The following SQOR variants were observed in gnomAD, a reference collection of about 807,000 sequenced individuals.
The protein encoded by SQOR is sulfide quinone oxidoreductase, also known as sulfide:quinone oxidoreductase, mitochondrial.
A neutral mutation model predicts 48.6 loss-of-function variants in SQOR; 39 were observed. The observed-to-expected ratio is 0.80, with a 90% CI of 0.62 to 1.05. The LOEUF is 1.05. Ranked by LOEUF, SQOR falls within the 50% of genes least tolerant of loss-of-function variation. The pLI, the probability that SQOR is intolerant of heterozygous loss-of-function variation, is 0.00. For missense variants in SQOR, 561 were observed against 559.9 expected (o/e 1.00, Z -0.02); for synonymous variants, 220 against 206.2 (o/e 1.07, Z -0.57).
At chr15:45,658,795 G>A in intron 1 of SQOR, 112 bp from the exon 2 acceptor site, 2 of 822,016 alleles carry the variant, frequency 2.4e-6, no homozygotes, top group Non-Finnish European at 3.6e-6. Context: ...GAGATGATGG[G>A]GACCAGCTGG....
chr15:45,640,754 T>C (rs1895092389), intron 1 of SQOR, among the ~76,000 whole-genome samples: 1 of 152,148 alleles, frequency 6.6e-6, no homozygotes, highest in Non-Finnish European at 1.5e-5. Context: ...TTTAATGTGG[T>C]CATTTAACAA....
At chr15:45,652,944 G>A (rs941402751) in intron 1 of SQOR, among the ~76,000 whole-genome samples, 4 of 151,226 alleles carry the variant, frequency 2.6e-5, no homozygotes, top group African/African-American at 9.7e-5. Context: ...GGGCGACAGA[G>A]CAAGATTCCG....
intron 4 of SQOR, among the ~76,000 whole-genome samples, chr15:45,670,649 C>G (rs1177202148): frequency 6.6e-5 from 10 of 152,198 alleles, no homozygotes; most frequent in Non-Finnish European, 1.5e-4. Flanking sequence ...AACATCTGTG[C>G]TAACCGGGTA....
At chr15:45,665,956 A>G (rs1889809243) in intron 3 of SQOR, among the ~76,000 whole-genome samples, 1 of 152,000 alleles carries the variant, frequency 6.6e-6, no homozygotes, top group Non-Finnish European at 1.5e-5. Context: ...TGAAACCCAG[A>G]CTCAGTGTGT....
chr15:45,677,371 G>T (rs1890056355), intron 6 of SQOR, among the ~76,000 whole-genome samples: 1 of 152,096 alleles, frequency 6.6e-6, no homozygotes, highest in South Asian at 2.1e-4. Flanking sequence ...CATAACCACA[G>T]TACCATTATC....
intron 6 of SQOR, among the ~76,000 whole-genome samples, chr15:45,681,704 G>T (rs2140960827): frequency 6.6e-6 from 1 of 151,982 alleles, no homozygotes; most frequent in East Asian, 1.9e-4. Flanking sequence ...TAAATAAAAA[G>T]AATAATAAGA....
intron 1 of SQOR, among the ~76,000 whole-genome samples, chr15:45,639,308 G>A (rs1895065784): frequency 6.6e-6 from 1 of 152,242 alleles, no homozygotes; most frequent in Admixed American, 6.5e-5. Context: ...AAGTGACCTA[G>A]GTTAGCTGTT....
intron 9 of SQOR, 100 bp from the exon 10 acceptor site, chr15:45,690,873 A>G (rs1890310755): frequency 1.0e-6 from 1 of 999,132 alleles, no homozygotes; most frequent in East Asian, 2.4e-5. Flanking sequence ...GCTGATGAAC[A>G]TGCTCTGTGA....
At chr15:45,689,535 A>AC (rs890012016) in intron 9 of SQOR, 91 of 170,260 alleles carry the variant, frequency 5.3e-4, no homozygotes, top group Non-Finnish European at 5.2e-4. Context: ...TTCCTGCCCC[A>AC]GCCTCCTGAG....
chr15:45,654,781 G>A (rs1279522680), intron 1 of SQOR, among the ~76,000 whole-genome samples: 1 of 152,148 alleles, frequency 6.6e-6, no homozygotes, highest in Non-Finnish European at 1.5e-5. Context: ...GAAAGACGTG[G>A]CCGGTGGTGG....
intron 1 of SQOR, among the ~76,000 whole-genome samples, chr15:45,650,494 C>CA (rs1340935643): frequency 3.9e-5 from 6 of 152,114 alleles, no homozygotes; most frequent in Admixed American, 2.6e-4. Context: ...AGTGTGGACT[C>CA]AAAGAGCGAG....
At position 45,684,306 on chromosome 15, in the gene SQOR, G is replaced by A. The variant is rs536752718; in HGVS notation, c.1048+1645G>A. ...TCAAGGATCACACACTGCATTGGGC[G>A]TCATGCCTCTTTGGTTCCCTTTAAT... On this transcript the variant is annotated intron_variant, in intron 7 of 9. Transcript: ENST00000260324. Among the ~76,000 whole-genome samples the A allele has an allele frequency of 7.6e-4, 115 of 152,266 alleles. 2 individuals carry two copies. In the South Asian group the frequency reaches 0.022, roughly 29 times the overall value.
chr15:45,677,920 C>T (rs1890065620), intron 6 of SQOR, among the ~76,000 whole-genome samples: 1 of 152,106 alleles, frequency 6.6e-6, no homozygotes, highest in Non-Finnish European at 1.5e-5. Context: ...GTTGGCCAGG[C>T]TGGTCTCGAA....
chr15:45,633,216 C>T (rs1290756849), upstream of SQOR, among the ~76,000 whole-genome samples: 1 of 151,800 alleles, frequency 6.6e-6, no homozygotes, highest in East Asian at 1.9e-4. Flanking sequence ...CACCAACATT[C>T]AAGTATGCAA....
At chr15:45,632,669 T>A (rs570916599), upstream of SQOR, among the ~76,000 whole-genome samples, 1 of 152,146 alleles carries the variant, frequency 6.6e-6, no homozygotes, top group East Asian at 1.9e-4. Flanking sequence ...GTGATGGGAC[T>A]GGGAAGTGGG....
At chr15:45,632,273 G>A (rs982216432), upstream of SQOR, among the ~76,000 whole-genome samples, 8 of 149,060 alleles carry the variant, frequency 5.4e-5, no homozygotes, top group Non-Finnish European at 1.0e-4. Flanking sequence ...AGGCTGGAGT[G>A]CAGTGGCACG....
chr15:45,676,905 G>C (rs1325073835), intron 6 of SQOR, among the ~76,000 whole-genome samples: 2 of 152,142 alleles, frequency 1.3e-5, no homozygotes, highest in Non-Finnish European at 2.9e-5. Flanking sequence ...GCTGGGCGTG[G>C]TGGCACATCC....
intron 4 of SQOR, among the ~76,000 whole-genome samples, chr15:45,672,270 G>A (rs1889958512): frequency 6.6e-6 from 1 of 152,050 alleles, no homozygotes; most frequent in South Asian, 2.1e-4. Flanking sequence ...ATCCATTCTA[G>A]GGGTTAATAT....
intron 3 of SQOR, among the ~76,000 whole-genome samples, chr15:45,666,587 G>A (rs1889821403): frequency 6.6e-6 from 1 of 152,088 alleles, no homozygotes; most frequent in Admixed American, 6.5e-5. Flanking sequence ...CTCAATAAAT[G>A]TTGCTGTTAT....
Sources: gnomAD v4.1 joint callset for allele counts (sites outside exome capture counted in the v4.1 genomes callset) on GRCh38, gnomAD v4.1.1 for gene constraint, MANE v1.5 for transcripts, NCBI Gene and HGNC (gene_info 2026-07-23, HGNC 2026-07-21) for gene names.